Variants in PCGF6 observed in about 807,000 individuals in gnomAD.
PCGF6 encodes polycomb group RING finger protein 6.
A neutral mutation model predicts 45.5 loss-of-function variants in PCGF6; 24 were observed. That is an observed-to-expected ratio of 0.53 (90% CI 0.38 to 0.74). The LOEUF (loss-of-function observed/expected upper bound fraction) is 0.74. PCGF6 is among the 30% of genes least tolerant of loss of function. The pLI, the probability that PCGF6 is intolerant of heterozygous loss-of-function variation, is 0.00. For missense variants in PCGF6, 356 were observed against 443.2 expected, an observed-to-expected ratio of 0.80 and a Z score of 1.77; for synonymous variants, 152 against 162.1, an observed-to-expected ratio of 0.94 and a Z score of 0.47.
chr10:103,321,954 G>C (rs1225258545), intron 8 of PCGF6, among the ~76,000 whole-genome samples: 1 of 150,210 alleles, frequency 6.7e-6, no homozygotes, highest in East Asian at 2.0e-4. Context: ...GGAGTGCAGT[G>C]GCATGGTCTC....
At chr10:103,325,548 G>A (rs968715464) in intron 8 of PCGF6, among the ~76,000 whole-genome samples, 4 of 152,180 alleles carry the variant, frequency 2.6e-5, no homozygotes, top group East Asian at 1.9e-4. Context: ...GCGCCTGGCC[G>A]AGCTTGCTTG....
chr10:103,330,303 A>G (rs1564730104), intron 7 of PCGF6, among the ~76,000 whole-genome samples: 1 of 150,614 alleles, frequency 6.6e-6, no homozygotes, highest in African/African-American at 2.4e-5. Flanking sequence ...CTCAACTCCT[A>G]ACTTCAAGTG....
intron 9 of PCGF6, among the ~76,000 whole-genome samples, chr10:103,305,639 G>A (rs1048160416): frequency 1.2e-4 from 19 of 152,020 alleles, no homozygotes; most frequent in African/African-American, 4.3e-4. Context: ...ACAACGCATC[G>A]CAGATCTGTT....
intron 8 of PCGF6, among the ~76,000 whole-genome samples, chr10:103,321,984 T>C (rs1481701140): frequency 6.6e-6 from 1 of 151,460 alleles, no homozygotes; most frequent in Non-Finnish European, 1.5e-5. Context: ...CAACCTCCGC[T>C]TCCTAGGTTC....
chr10:103,303,261 T>G lies in PCGF6; in HGVS notation c.*644A>C, dbSNP rs1377618431. On this transcript the variant is annotated 3_prime_UTR_variant, in exon 10 of 10. Coordinates refer to ENST00000369847, the MANE Select transcript of PCGF6 (RefSeq NM_001011663.2). ...AAGCACCCCTTATTGGAAGATGTATTGAAGAAGTCTTATTACACTGAAATT... is the reference window on the plus strand; with the variant it reads ...AAGCACCCCTTATTGGAAGATGTATGGAAGAAGTCTTATTACACTGAAATT... The G allele has an allele frequency of 6.6e-6, 1 of 152,562 alleles. No individual in the cohort carries two copies. The highest frequency in any genetic ancestry group is 6.6e-5 in the Admixed American group (1 of 15,266). 9.5% of individuals were successfully genotyped at this position (152,562 alleles called of 1,614,324 possible). A position where few individuals can be genotyped will look rare whatever the true frequency, so the allele number is the denominator to read the frequency against.
At chr10:103,309,807 T>TG (rs2093150280) in intron 9 of PCGF6, among the ~76,000 whole-genome samples, 1 of 152,012 alleles carries the variant, frequency 6.6e-6, no homozygotes, top group Non-Finnish European at 1.5e-5. Context: ...GGTGCACATC[T>TG]GTAACGTCTG....
At chr10:103,327,966 C>T (rs373714369) in intron 7 of PCGF6, among the ~76,000 whole-genome samples, 2 of 151,876 alleles carry the variant, frequency 1.3e-5, no homozygotes, top group East Asian at 1.9e-4. Context: ...TGAGCCACTG[C>T]GCCCAGCCAG....
In PCGF6 at chr10:103,303,290, T is replaced by C. The variant is rs1378106799; in HGVS notation, c.*615A>G. 1 of 152,486 alleles carries C rather than the reference T, an allele frequency of 6.6e-6. No homozygotes were observed. The highest frequency in any genetic ancestry group is 2.4e-5 in the African/African-American group (1 of 41,468). 9.4% of individuals were successfully genotyped at this position (152,486 alleles called of 1,614,324 possible). A position where few individuals can be genotyped will look rare whatever the true frequency, so the allele number is the denominator to read the frequency against. ...GAAGTCTTATTACACTGAAATTTTA[T>C]GGCACAGATCATAAACTCAGAGTCT... On this transcript the variant is annotated 3_prime_UTR_variant, in exon 10 of 10. Coordinates refer to ENST00000369847, the MANE Select transcript of PCGF6 (RefSeq NM_001011663.2).
Position 103,345,028 on chromosome 10 carries a change from T to C in PCGF6, c.778A>G (p.Ile260Val). The change falls in exon 6 of 10, where the codon ATT becomes GTT. Residue 260 changes from isoleucine to valine, a missense_variant. Physicochemically the swap from Ile to Val is conservative, Grantham distance 29. Around this residue, in one of 2 missense-constraint regions of PCGF6, gnomAD observed 307 missense variants for 350.1 expected, o/e 0.88. Transcript: ENST00000369847. ...GTAAATTTTTAGGGTACTCACCCAA[T>C]GAACTCCAGTAATAAAGACATATCA... ...ELDMSLLLEF[I>V]GANEGTGHFK... 6.3e-7 allele frequency: 1 copy of C among 1,590,726 alleles called. No individual in the cohort carries two copies.
rs2093319486 is a variant in PCGF6 at position 103,351,003 on chromosome 10, C to T, written c.64G>A (p.Ala22Thr). Reference protein sequence around the residue: ...VGAAKTEGAAALPPPPPVSPP... With the variant: ...VGAAKTEGAATLPPPPPVSPP... ...GAGACAGGAGGCGGAGGCGGCAAGGCTGCAGCTCCCTCGGTTTTGGCAGCG... is the reference window on the plus strand; with the variant it reads ...GAGACAGGAGGCGGAGGCGGCAAGGTTGCAGCTCCCTCGGTTTTGGCAGCG... The change falls in exon 1 of 10, where the codon GCC becomes ACC. Residue 22 changes from alanine (A) to threonine (T), a missense_variant. By Grantham distance (58) the Ala-to-Thr change is moderately conservative. This residue lies in a region of PCGF6 where 307 missense variants were observed against 350.1 expected (regional missense o/e 0.88). Coordinates refer to ENST00000369847, the MANE Select transcript of PCGF6 (RefSeq NM_001011663.2). 1.6e-6 allele frequency: 2 copies of T among 1,277,000 alleles called. No homozygotes were observed. Among genetic ancestry groups the T allele is most frequent in the Non-Finnish European group, 2.0e-6 (2 of 978,902 alleles). The allele number at this position is 1,277,000 out of a possible 1,614,324, so 79.1% of individuals were successfully genotyped here.
At chr10:103,323,862 G>A (rs947576463) in intron 8 of PCGF6, among the ~76,000 whole-genome samples, 1 of 151,610 alleles carries the variant, frequency 6.6e-6, no homozygotes, top group Non-Finnish European at 1.5e-5. Flanking sequence ...TGGGATTACA[G>A]GCATGAGCCA....
chr10:103,338,008 G>A lies in PCGF6; in HGVS notation c.783-4056C>T, dbSNP rs1489863521. On this transcript the variant is annotated intron_variant, in intron 6 of 9. Coordinates refer to ENST00000369847, the MANE Select transcript of PCGF6 (RefSeq NM_001011663.2). The stretch of plus-strand genomic sequence containing the variant: ...GAACCCGGGAGGCGGAGCTTGCAGT[G>A]AGCCGAGATCCCGCCACTGCACTCC... 2.6e-5 allele frequency among the ~76,000 whole-genome samples: 3 copies of A among 117,570 alleles called. 1 individual carries two copies. The highest frequency in any genetic ancestry group is 5.4e-5 in the Non-Finnish European group (3 of 55,458). The allele number at this position is 117,570 out of a possible 152,430, so 77.1% of individuals were successfully genotyped here.
intron 7 of PCGF6, among the ~76,000 whole-genome samples, chr10:103,327,056 G>A (rs2093221574): frequency 6.6e-6 from 1 of 152,204 alleles, no homozygotes; most frequent in Non-Finnish European, 1.5e-5. Flanking sequence ...GGAGGCAGAG[G>A]CAGGCAGATT....
intron 6 of PCGF6, among the ~76,000 whole-genome samples, chr10:103,339,237 A>G (rs2133589992): frequency 6.6e-6 from 1 of 151,852 alleles, no homozygotes; most frequent in Admixed American, 6.6e-5. Flanking sequence ...AATATGGTAA[A>G]AAATTAGCTG....
intron 9 of PCGF6, among the ~76,000 whole-genome samples, chr10:103,304,820 ATTTTTGTAT>A (rs1398936555): frequency 6.6e-6 from 1 of 151,822 alleles, no homozygotes; most frequent in African/African-American, 2.4e-5. Context: ...CACCAGACTC[ATTTTTGTAT>A]TTTTTGTAGG....
chr10:103,340,494 C>T (rs1321368718), intron 6 of PCGF6, among the ~76,000 whole-genome samples: 1 of 151,958 alleles, frequency 6.6e-6, no homozygotes, highest in Non-Finnish European at 1.5e-5. Flanking sequence ...ACCCATCACA[C>T]GTTTACCATC....
At chr10:103,315,275 T>C (rs2133560673) in intron 8 of PCGF6, among the ~76,000 whole-genome samples, 1 of 152,288 alleles carries the variant, frequency 6.6e-6, no homozygotes, top group Admixed American at 6.5e-5. Context: ...AGCCTCAAAC[T>C]CCTAGGCTGA....
intron 8 of PCGF6, among the ~76,000 whole-genome samples, chr10:103,319,478 C>CT (rs1419239914): frequency 6.6e-6 from 1 of 152,020 alleles, no homozygotes; most frequent in Non-Finnish European, 1.5e-5. Context: ...CTACTAAGTT[C>CT]TTTTTTTCTG....
At chr10:103,307,962 A>G (rs1236239664) in intron 9 of PCGF6, among the ~76,000 whole-genome samples, 1 of 152,184 alleles carries the variant, frequency 6.6e-6, no homozygotes, top group Non-Finnish European at 1.5e-5. Flanking sequence ...TTGGCCAGGC[A>G]TGCTGGCTCA....
Sources: gnomAD v4.1 joint callset for allele counts (sites outside exome capture counted in the v4.1 genomes callset) on GRCh38, gnomAD v4.1.1 for gene constraint, gnomAD v4.1.1 regional missense constraint, MANE v1.5 for transcripts, NCBI Gene and HGNC (gene_info 2026-07-23, HGNC 2026-07-21) for gene names.